ASIC2: variants seen among roughly 807,000 people sequenced by gnomAD.
The protein encoded by ASIC2 is acid sensing ion channel subunit 2.
Under a neutral mutation model 57.3 loss-of-function variants are expected in ASIC2, and 25 were observed. The observed-to-expected ratio is 0.44, with a 90% CI of 0.32 to 0.61. ASIC2 has a LOEUF of 0.61. Among genes scored for constraint, ASIC2 ranks in the 20% least tolerant of loss-of-function variants. The pLI, the probability that ASIC2 is intolerant of heterozygous loss-of-function variation, is 0.06. For missense variants in ASIC2, 641 were observed against 738.1 expected, an observed-to-expected ratio of 0.87 and a Z score of 1.52; for synonymous variants, 319 against 307.5, an observed-to-expected ratio of 1.04 and a Z score of -0.39.
intron 1 of ASIC2, among the ~76,000 whole-genome samples, chr17:34,089,813 C>G (rs1018789358): frequency 1.3e-5 from 2 of 152,192 alleles, no homozygotes; most frequent in Non-Finnish European, 2.9e-5. Flanking sequence ...CTTTTTCTAA[C>G]AGCTCCAGGG....
intron 1 of ASIC2, among the ~76,000 whole-genome samples, chr17:33,405,544 C>A (rs1337661094): frequency 6.8e-6 from 1 of 145,996 alleles, no homozygotes; most frequent in South Asian, 2.1e-4. Context: ...AGAGCAGTGG[C>A]GCGATCTTGG....
chr17:33,805,944 G>T (rs1912255904), intron 1 of ASIC2, among the ~76,000 whole-genome samples: 1 of 152,084 alleles, frequency 6.6e-6, no homozygotes, highest in African/African-American at 2.4e-5. Flanking sequence ...ACACACACTT[G>T]CACACATATT....
intron 1 of ASIC2, among the ~76,000 whole-genome samples, chr17:33,563,478 T>A (rs1465255958): frequency 6.6e-6 from 1 of 152,202 alleles, no homozygotes; most frequent in Non-Finnish European, 1.5e-5. Flanking sequence ...CTCTACCTCC[T>A]CCTGCTCCCC....
At chr17:33,901,455 T>A (rs1915229400) in intron 1 of ASIC2, among the ~76,000 whole-genome samples, 1 of 152,172 alleles carries the variant, frequency 6.6e-6, no homozygotes, top group South Asian at 2.1e-4. Context: ...ACTGATTTTC[T>A]TCTTCCATTC....
chr17:33,974,226 C>A (rs536394667), intron 1 of ASIC2, among the ~76,000 whole-genome samples: 1 of 152,268 alleles, frequency 6.6e-6, no homozygotes, highest in Admixed American at 6.5e-5. Context: ...CAAACTTCCC[C>A]TTTCCTGAAT....
chr17:33,939,699 T>C (rs2141977638), intron 1 of ASIC2, among the ~76,000 whole-genome samples: 1 of 152,300 alleles, frequency 6.6e-6, no homozygotes, highest in East Asian at 1.9e-4. Context: ...CACAGGATGG[T>C]GAGCAGGCAG....
intron 1 of ASIC2, among the ~76,000 whole-genome samples, chr17:33,120,171 A>G (rs577880117): frequency 2.6e-4 from 39 of 152,302 alleles, no homozygotes; most frequent in Middle Eastern, 6.8e-3. Context: ...ATGATATGGT[A>G]ACGTGACCCC....
chr17:33,936,028 C>T (rs375972561), intron 1 of ASIC2: 1 of 152,358 alleles, frequency 6.6e-6, no homozygotes, highest in East Asian at 1.9e-4. Context: ...GGCTCCTCAT[C>T]TATAAAATGG....
chr17:33,464,520 C>CTCTT (rs1567621076), intron 1 of ASIC2, among the ~76,000 whole-genome samples: 5 of 42,334 alleles, frequency 1.2e-4, no homozygotes, highest in African/African-American at 5.3e-4. Context: ...TTCTTTCTTT[C>CTCTT]TTTCTTTCTT....
intron 1 of ASIC2, among the ~76,000 whole-genome samples, chr17:33,200,087 T>C (rs1906797071): frequency 6.6e-6 from 1 of 152,180 alleles, no homozygotes; most frequent in South Asian, 2.1e-4. Flanking sequence ...TAGCTCCTTT[T>C]ACCCTTAGGG....
intron 1 of ASIC2, among the ~76,000 whole-genome samples, chr17:33,132,985 G>C (rs2092353457): frequency 6.6e-6 from 1 of 152,142 alleles, no homozygotes; most frequent in African/African-American, 2.4e-5. Flanking sequence ...AACAATAAAT[G>C]GTTTCTACCC....
chr17:33,771,138 G>C (rs1216347626), intron 1 of ASIC2, among the ~76,000 whole-genome samples: 1 of 152,100 alleles, frequency 6.6e-6, no homozygotes, highest in East Asian at 1.9e-4. Context: ...TGGCAATTGT[G>C]GGGTACAAGT....
intron 1 of ASIC2, among the ~76,000 whole-genome samples, chr17:33,643,147 T>TC (rs71144893): frequency 0.024 from 3,579 of 149,632 alleles, 68 homozygotes; most frequent in Non-Finnish European, 0.036. Context: ...CATGCTCATT[T>TC]CCCCCCCCCC....
intron 1 of ASIC2, among the ~76,000 whole-genome samples, chr17:33,329,384 A>G (rs907975311): frequency 1.8e-4 from 28 of 152,274 alleles, no homozygotes; most frequent in Admixed American, 1.6e-3. Context: ...ATGACCTATA[A>G]TTCTGTTGGG....
intron 1 of ASIC2, among the ~76,000 whole-genome samples, chr17:33,447,466 G>A (rs1472687696): frequency 3.9e-5 from 6 of 152,220 alleles, no homozygotes; most frequent in Admixed American, 3.9e-4. Flanking sequence ...ACAGGTATGA[G>A]TGAGTGATCA....
chr17:34,096,346 C>T (rs1393024914), intron 1 of ASIC2, among the ~76,000 whole-genome samples: 1 of 152,054 alleles, frequency 6.6e-6, no homozygotes, highest in Non-Finnish European at 1.5e-5. Flanking sequence ...GTTCAGGATC[C>T]ATTAAAGTAA....
At chr17:34,088,975 C>A (rs1910223404) in intron 1 of ASIC2, among the ~76,000 whole-genome samples, 2 of 152,190 alleles carry the variant, frequency 1.3e-5, no homozygotes, top group South Asian at 2.1e-4. Context: ...AACCTCCTGA[C>A]CCCTTGCGCT....
At chr17:33,456,492 G>T (rs1912457706) in intron 1 of ASIC2, among the ~76,000 whole-genome samples, 1 of 152,126 alleles carries the variant, frequency 6.6e-6, no homozygotes, top group Non-Finnish European at 1.5e-5. Context: ...GATAATTCAA[G>T]GCTGCACCAG....
intron 1 of ASIC2, among the ~76,000 whole-genome samples, chr17:34,115,917 T>C (rs1911412350): frequency 2.0e-5 from 3 of 152,112 alleles, no homozygotes; most frequent in Admixed American, 2.0e-4. Flanking sequence ...CAGCAGATAA[T>C]GGGGAGAAGG....
Sources: allele counts gnomAD v4.1 joint callset (sites outside exome capture counted in the v4.1 genomes callset), GRCh38; gene constraint gnomAD v4.1.1; transcripts MANE v1.5; gene names NCBI Gene and HGNC (gene_info 2026-07-23, HGNC 2026-07-21).